The following ATP8A2 variants were observed in gnomAD, a reference collection of about 807,000 sequenced individuals.
ATP8A2 encodes phospholipid-transporting ATPase IB.
Under a neutral mutation model 165.6 loss-of-function variants are expected in ATP8A2, and 100 were observed. That is an observed-to-expected ratio of 0.60 (90% CI 0.51 to 0.71). The LOEUF is 0.71. Ranked by LOEUF, ATP8A2 falls within the 30% of genes least tolerant of loss-of-function variation. ATP8A2 has a pLI of 0.00. For synonymous variants in ATP8A2, 543 were observed against 548.8 expected (o/e 0.99, Z 0.15); for missense variants, 1,227 against 1,479.5 (o/e 0.83, Z 2.80).
chr13:25,724,276 C>A (rs1449791346), intron 25 of ATP8A2, among the ~76,000 whole-genome samples: 1 of 152,312 alleles, frequency 6.6e-6, no homozygotes, highest in South Asian at 2.1e-4. Context: ...GGTAATTGGG[C>A]ATAAATACCC....
intron 24 of ATP8A2, among the ~76,000 whole-genome samples, chr13:25,595,632 G>A (rs2040217258): frequency 1.3e-5 from 2 of 152,092 alleles, no homozygotes; most frequent in Non-Finnish European, 2.9e-5. Context: ...GGATGACTTT[G>A]GGAAACAGAA....
chr13:25,841,890 A>T (rs954983145), intron 30 of ATP8A2, among the ~76,000 whole-genome samples: 2 of 152,198 alleles, frequency 1.3e-5, no homozygotes, highest in African/African-American at 2.4e-5. Flanking sequence ...TTGATGTGTC[A>T]TCCCATGGTG....
At chr13:25,524,829 T>C (rs76045295) in intron 2 of ATP8A2, among the ~76,000 whole-genome samples, 3 of 152,114 alleles carry the variant, frequency 2.0e-5, no homozygotes, top group Non-Finnish European at 4.4e-5. Context: ...AGTGTTATCA[T>C]TGATAAGTAA....
chr13:25,931,579 G>A (rs1954769677), intron 33 of ATP8A2, among the ~76,000 whole-genome samples: 1 of 152,160 alleles, frequency 6.6e-6, no homozygotes, highest in African/African-American at 2.4e-5. Context: ...GATAAGCAGT[G>A]GGCTGTGATG....
chr13:25,736,449 T>C lies in ATP8A2; in HGVS notation c.2385-32597T>C, dbSNP rs139188778. Among the ~76,000 whole-genome samples the C allele has an allele frequency of 4.3e-3, 652 of 152,346 alleles. 3 individuals are homozygous for C. Among genetic ancestry groups the C allele is most frequent in the African/African-American group, 0.014 (571 of 41,580 alleles). ...GCGACATGAGGTTGAAATGATTATT[T>C]GTAAACTGTTGACTGTCAGACGTTT... On this transcript the variant is annotated intron_variant, in intron 25 of 36. Coordinates refer to ENST00000381655, the MANE Select transcript of ATP8A2 (RefSeq NM_016529.6).
intron 24 of ATP8A2, among the ~76,000 whole-genome samples, chr13:25,600,648 C>T (rs1451998429): frequency 6.6e-6 from 1 of 152,144 alleles, no homozygotes; most frequent in Non-Finnish European, 1.5e-5. Context: ...TCCTGGCATC[C>T]TTACACCCAT....
intron 27 of ATP8A2, among the ~76,000 whole-genome samples, chr13:25,826,128 G>C (rs1050312907): frequency 9.9e-5 from 15 of 152,182 alleles, no homozygotes; most frequent in Non-Finnish European, 1.9e-4. Flanking sequence ...TATTTGAGGT[G>C]ATAGATATGT....
chr13:25,757,514 T>G (rs1038600106), intron 25 of ATP8A2, among the ~76,000 whole-genome samples: 1 of 151,932 alleles, frequency 6.6e-6, no homozygotes, highest in East Asian at 1.9e-4. Flanking sequence ...TGTGTGTGTG[T>G]GTGTGTGTGT....
intron 1 of ATP8A2, among the ~76,000 whole-genome samples, chr13:25,451,325 C>CTGTGGTG (rs753155034): frequency 5.9e-5 from 9 of 152,154 alleles, no homozygotes; most frequent in Non-Finnish European, 4.4e-5. Context: ...TCCCCTCTCA[C>CTGTGGTG]TGTGCTTTGG....
At chr13:25,809,740 C>T (rs1404505379) in intron 27 of ATP8A2, among the ~76,000 whole-genome samples, 1 of 152,100 alleles carries the variant, frequency 6.6e-6, no homozygotes, top group South Asian at 2.1e-4. Flanking sequence ...TTACTTGTGT[C>T]CTCACTGGTC....
rs543420842 is a variant in ATP8A2 at position 25,902,447 on chromosome 13, G to C, written c.3183+40039G>C. Reference sequence around the variant, plus strand: ...CTATCCATAGGAAACCCCATATCTGGTGGGCAAAGAATAGAGTATAAATAT... The same window carrying C: ...CTATCCATAGGAAACCCCATATCTGCTGGGCAAAGAATAGAGTATAAATAT... On this transcript the variant is annotated intron_variant, in intron 33 of 36. Transcript: ENST00000381655. Among the ~76,000 whole-genome samples, 10 of 152,130 alleles carry C rather than the reference G, an allele frequency of 6.6e-5. No homozygotes were observed. In the East Asian group the frequency reaches 1.4e-3, roughly 21 times the overall value.
chr13:25,545,661 G>A (rs1015207627), intron 10 of ATP8A2, among the ~76,000 whole-genome samples: 4 of 152,134 alleles, frequency 2.6e-5, no homozygotes, highest in African/African-American at 9.7e-5. Context: ...TTGAGACAGG[G>A]TCTGGCTTTG....
At chr13:25,461,481 G>A (rs2137481571) in intron 1 of ATP8A2, among the ~76,000 whole-genome samples, 1 of 152,306 alleles carries the variant, frequency 6.6e-6, no homozygotes, top group South Asian at 2.1e-4. Context: ...CGGAATGTAT[G>A]TGTATATGCA....
intron 1 of ATP8A2, among the ~76,000 whole-genome samples, chr13:25,428,919 T>G (rs940921638): frequency 6.6e-6 from 1 of 151,972 alleles, no homozygotes; most frequent in Admixed American, 6.6e-5. Context: ...TAGTAAGAGC[T>G]CACAGCACGA....
intron 25 of ATP8A2, among the ~76,000 whole-genome samples, chr13:25,712,317 T>G (rs1461685211): frequency 6.6e-6 from 1 of 152,154 alleles, no homozygotes; most frequent in Non-Finnish European, 1.5e-5. Flanking sequence ...GGTCTTCATC[T>G]TCCAGGTGTG....
chr13:25,567,338 C>T (rs752530692), intron 16 of ATP8A2: 8 of 456,736 alleles, frequency 1.8e-5, no homozygotes, highest in South Asian at 1.2e-4. Flanking sequence ...TTTTTCCTGA[C>T]TCCTCCTTGG....
chr13:25,506,728 T>C (rs1449768146), intron 2 of ATP8A2, among the ~76,000 whole-genome samples: 2 of 152,082 alleles, frequency 1.3e-5, no homozygotes, highest in Non-Finnish European at 2.9e-5. Flanking sequence ...GGGCTGGGAT[T>C]ATAGGTGTGA....
At chr13:25,444,642 T>TG (rs1415099124) in intron 1 of ATP8A2, among the ~76,000 whole-genome samples, 2 of 152,118 alleles carry the variant, frequency 1.3e-5, no homozygotes, top group East Asian at 3.9e-4. Flanking sequence ...TCTGTTTTTT[T>TG]TTTTTGTTTT....
At position 25,773,890 on chromosome 13, in the gene ATP8A2, G is replaced by A. The variant is rs112652812; in HGVS notation, c.2569-959G>A. 3.7e-3 allele frequency among the ~76,000 whole-genome samples: 559 copies of A among 152,132 alleles called. 2 individuals carry two copies. Among genetic ancestry groups the A allele is most frequent in the African/African-American group, 0.013 (530 of 41,476 alleles). ...TCTGTGTATCTATGTGTGTACATCC[G>A]TGTGTGTCTATATGTGTGTGTAACT... is the stretch of plus-strand genomic sequence containing the variant. On this transcript the variant is annotated intron_variant, in intron 26 of 36. Coordinates refer to ENST00000381655, the MANE Select transcript of ATP8A2 (RefSeq NM_016529.6).
Sources: gnomAD v4.1 joint callset for allele counts (sites outside exome capture counted in the v4.1 genomes callset) on GRCh38, gnomAD v4.1.1 for gene constraint, MANE v1.5 for transcripts, NCBI Gene and HGNC (gene_info 2026-07-23, HGNC 2026-07-21) for gene names.